Variants in ORC1 observed in about 807,000 individuals in gnomAD.
ORC1 encodes the protein origin recognition complex, subunit 1 homolog.
In ORC1, 61 loss-of-function variants were observed where a neutral mutation model predicts 98.9. That is an observed-to-expected ratio of 0.62 (90% CI 0.50 to 0.76). ORC1 has a LOEUF of 0.76. Among genes scored for constraint, ORC1 ranks in the 30% least tolerant of loss-of-function variants. The probability of loss-of-function intolerance (pLI) is 0.00; values close to 1 mark genes in which losing one functional copy is unlikely to be tolerated. For missense variants in ORC1, 979 were observed against 1,072.2 expected, an observed-to-expected ratio of 0.91 and a Z score of 1.21; for synonymous variants, 385 against 406.9, an observed-to-expected ratio of 0.95 and a Z score of 0.65.
At chr1:52,388,090 C>G (rs552515499) in intron 8 of ORC1, among the ~76,000 whole-genome samples, 2 of 152,156 alleles carry the variant, frequency 1.3e-5, no homozygotes, top group African/African-American at 4.8e-5. Flanking sequence ...GACAACAAAA[C>G]TAACACCACA....
chr1:52,401,348 A>G lies in ORC1; in HGVS notation c.223+14T>C. ...ATGACAAGGAATGGTTTATTATTCC[A>G]GTCCCAAACTCACCATCTTCGAACA... is the stretch of plus-strand genomic sequence containing the variant. On this transcript the variant is annotated intron_variant, in intron 3 of 16. Transcript: ENST00000371568. 6.2e-7 allele frequency: 1 copy of G among 1,613,990 alleles called. No individual in the cohort carries two copies. Among genetic ancestry groups the G allele is most frequent in the South Asian group, 1.1e-5 (1 of 91,082 alleles).
At position 52,383,495 on chromosome 1, in the gene ORC1, C is replaced by G; in HGVS notation, c.1938G>C (p.Arg646=). The G allele has an allele frequency of 6.2e-7, 1 of 1,613,756 alleles. No individual in the cohort carries two copies. Among genetic ancestry groups the G allele is most frequent in the Non-Finnish European group, 8.5e-7 (1 of 1,180,018 alleles). Residue 646 remains arginine, a synonymous_variant, in exon 13 of 17, where the codon CGG becomes CGC. Transcript: ENST00000371568. Reference sequence around the variant, plus strand: ...TGTTGGCAATTGCCAGGACCACAAGCCGGGCCTCCTTATGAGTGGGCCAGT... The same window carrying G: ...TGTTGGCAATTGCCAGGACCACAAGGCGGGCCTCCTTATGAGTGGGCCAGT... The part of the protein sequence containing the change: ...LFDWPTHKEA[R]LVVLAIANTM...
intron 3 of ORC1, among the ~76,000 whole-genome samples, chr1:52,399,107 GCTACT>G (rs968418108): frequency 2.6e-5 from 4 of 152,200 alleles, no homozygotes; most frequent in Non-Finnish European, 4.4e-5. Flanking sequence ...TCTGAGAGGA[GCTACT>G]CTAAACACAG....
chr1:52,402,909 AG>A (rs1347636239), intron 1 of ORC1, among the ~76,000 whole-genome samples: 1 of 152,224 alleles, frequency 6.6e-6, no homozygotes, highest in African/African-American at 2.4e-5. Context: ...AATAAAAAAA[AG>A]AAAAGTAGAT....
chr1:52,399,395 C>T (rs1428782229), intron 3 of ORC1, among the ~76,000 whole-genome samples: 2 of 151,956 alleles, frequency 1.3e-5, no homozygotes, highest in African/African-American at 2.4e-5. Context: ...GAGGCTGAGG[C>T]GGGCGGATCA....
At chr1:52,388,708 T>C (rs1421720168) in intron 7 of ORC1, 71 bp from the exon 8 acceptor site, 8 of 1,374,522 alleles carry the variant, frequency 5.8e-6, no homozygotes, top group Non-Finnish European at 3.1e-6. Flanking sequence ...ATAACATTAG[T>C]GTGGATTACA....
intron 14 of ORC1, among the ~76,000 whole-genome samples, chr1:52,377,860 T>C (rs909088555): frequency 5.9e-5 from 9 of 152,108 alleles, no homozygotes; most frequent in Admixed American, 3.3e-4. Context: ...CACATATGCA[T>C]GGGAACCAGC....
At chr1:52,375,389 C>T in intron 15 of ORC1, 41 bp downstream of exon 15, 7 of 1,594,532 alleles carry the variant, frequency 4.4e-6, no homozygotes, top group Non-Finnish European at 5.2e-6. Context: ...AAACATGTTT[C>T]TACAGCCTTC....
intron 14 of ORC1, 142 bp from the exon 15 acceptor site, chr1:52,375,741 T>G: frequency 2.7e-6 from 2 of 754,078 alleles, no homozygotes; most frequent in Non-Finnish European, 4.6e-6. Flanking sequence ...AGAAATGAAT[T>G]ATTACATTGT....
rs888247179 is a variant in ORC1 at position 52,403,073 on chromosome 1, C to T, written c.-5-845G>A. 3.9e-5 allele frequency among the ~76,000 whole-genome samples: 6 copies of T among 152,290 alleles called. No homozygotes were observed. The South Asian group carries it at 8.3e-4, about 21-fold the overall frequency. ...GAAACTGGATAATGTTAATATGTAA[C>T]TGAGAGCTTGCTTTTGGTGTACTTA... On this transcript the variant is annotated intron_variant, in intron 1 of 16. Transcript: ENST00000371568.
intron 4 of ORC1, among the ~76,000 whole-genome samples, chr1:52,396,735 A>G (rs1335512480): frequency 6.6e-6 from 1 of 152,054 alleles, no homozygotes. Context: ...TGATATTCTT[A>G]TACCCTACCA....
In ORC1 at chr1:52,373,267, C is replaced by A; in HGVS notation, c.2500G>T (p.Val834Leu). 1 of 1,614,222 alleles carries A rather than the reference C, an allele frequency of 6.2e-7. No individual in the cohort carries two copies. Among genetic ancestry groups the A allele is most frequent in the African/African-American group, 1.3e-5 (1 of 75,060 alleles). The change falls in exon 17 of 17, where the codon GTG becomes TTG. Residue 834 changes from valine to leucine, a missense_variant. Coordinates refer to ENST00000371568, the MANE Select transcript of ORC1 (RefSeq NM_004153.4). ...AGCAGATCGTTCCTGCTGGGCTCCACAAGCAGGAGGCGACAGGAGCCCAGG... is the reference window on the plus strand; with the variant it reads ...AGCAGATCGTTCCTGCTGGGCTCCAAAAGCAGGAGGCGACAGGAGCCCAGG... The part of the protein sequence containing the change: ...SHLGSCRLLL[V>L]EPSRNDLLLR...
chr1:52,408,754 C>T (rs1648069138), upstream of ORC1: 4 of 1,573,112 alleles, frequency 2.5e-6, no homozygotes, highest in African/African-American at 5.4e-5. Context: ...ACCAGTACTT[C>T]TACCTTTGCA....
chr1:52,374,751 A>G (rs1360145192), intron 16 of ORC1, 59 bp downstream of exon 16: 22 of 1,144,880 alleles, frequency 1.9e-5, no homozygotes, highest in Non-Finnish European at 2.2e-5. Context: ...GGAAATTTCC[A>G]TGTATTTTAA....
chr1:52,397,654 A>G (rs1434921907), intron 4 of ORC1, 31 bp downstream of exon 4: 3 of 1,609,748 alleles, frequency 1.9e-6, no homozygotes, highest in East Asian at 2.2e-5. Flanking sequence ...ATAAGCTTCA[A>G]GGTAGAACCA....
Position 52,384,543 on chromosome 1 carries a change from T to C in ORC1, c.1755+7A>G. ...ATTTTCCAAAAAGCCTAAACAGCTC[T>C]GCTTACCTGCAAGATTTGCACATAG... On this transcript the variant is annotated splice_region_variant and intron_variant, in intron 11 of 16. Transcript: ENST00000371568. 1.9e-6 allele frequency: 3 copies of C among 1,613,862 alleles called. No individual in the cohort carries two copies. The highest frequency in any genetic ancestry group is 1.7e-6 in the Non-Finnish European group (2 of 1,179,866).
Position 52,390,889 on chromosome 1 carries a change from T to C in ORC1, c.1083-1568A>G, listed in dbSNP as rs529754796. Among the ~76,000 whole-genome samples, 7 of 120,314 alleles carry C rather than the reference T, an allele frequency of 5.8e-5. No homozygotes were observed. The South Asian group carries it at 1.5e-3, about 26-fold the overall frequency. The allele number at this position is 120,314 out of a possible 152,430, so 78.9% of individuals were successfully genotyped here. ...CCTGGACAACAACAGCAAAACTCTG[T>C]CTCCAAAAAAAGAAAAAAAAAAAAA... On this transcript the variant is annotated intron_variant, in intron 6 of 16. Coordinates refer to ENST00000371568, the MANE Select transcript of ORC1 (RefSeq NM_004153.4).
chr1:52,372,886 T>C lies in ORC1; in HGVS notation c.*295A>G. The C allele has an allele frequency of 2.6e-6, 1 of 386,942 alleles. No individual in the cohort carries two copies. Among genetic ancestry groups the C allele is most frequent in the South Asian group, 2.3e-5 (1 of 43,646 alleles). 24.0% of individuals were successfully genotyped at this position (386,942 alleles called of 1,614,324 possible). A position where few individuals can be genotyped will look rare whatever the true frequency, so the allele number is the denominator to read the frequency against. On this transcript the variant is annotated 3_prime_UTR_variant, in exon 17 of 17. Transcript: ENST00000371568. ...CCAAAATACATGAGAGCCATTTCCA[T>C]TCAATATACTTTGTTACAACAATTC...
upstream of ORC1, among the ~76,000 whole-genome samples, chr1:52,405,290 C>T (rs1469553874): frequency 6.6e-6 from 1 of 152,170 alleles, no homozygotes; most frequent in East Asian, 1.9e-4. Flanking sequence ...TTATAAATAT[C>T]AGTGCTTCAG....
Sources: gnomAD v4.1 joint callset for allele counts (sites outside exome capture counted in the v4.1 genomes callset) on GRCh38, gnomAD v4.1.1 for gene constraint, MANE v1.5 for transcripts, NCBI Gene and HGNC (gene_info 2026-07-23, HGNC 2026-07-21) for gene names.